The following DNAH6 variants were observed in gnomAD, a reference collection of about 807,000 sequenced individuals.
The protein encoded by DNAH6 is axonemal beta dynein heavy chain 6.
A neutral mutation model predicts 491.4 loss-of-function variants in DNAH6; 340 were observed. That is an observed-to-expected ratio of 0.69 (90% CI 0.63 to 0.76). DNAH6 has a LOEUF of 0.76. DNAH6 is among the 30% of genes least tolerant of loss of function. The pLI, the probability that DNAH6 is intolerant of heterozygous loss-of-function variation, is 0.00. For synonymous variants in DNAH6, 1,603 were observed against 1,686.1 expected, an observed-to-expected ratio of 0.95 and a Z score of 1.21; for missense variants, 4,443 against 4,972.2, an observed-to-expected ratio of 0.89 and a Z score of 3.20.
chr2:84,730,932 A>G (rs1015900026), intron 61 of DNAH6, among the ~76,000 whole-genome samples: 5 of 152,246 alleles, frequency 3.3e-5, no homozygotes, highest in African/African-American at 1.2e-4. Flanking sequence ...ATCTAGGATC[A>G]AGATGTAACA....
At chr2:84,461,792 T>C in the DNAH6 span, among the ~76,000 whole-genome samples, 1 of 152,212 alleles carries the variant, frequency 6.6e-6, no homozygotes, top group Non-Finnish European at 1.5e-5. Context: ...CTCAAAACTT[T>C]GTCTAAAGCT....
chr2:84,818,483 TCAAAAAAAAAA>T (rs1375652782), intron 76 of DNAH6, among the ~76,000 whole-genome samples: 2 of 35,556 alleles, frequency 5.6e-5, no homozygotes, highest in Non-Finnish European at 9.3e-5. Context: ...AGACCCTATC[TCAAAAAAAAAA>T]AAAAAAAAAA....
At chr2:84,774,497 T>C (rs1483141094) in intron 64 of DNAH6, among the ~76,000 whole-genome samples, 1 of 152,076 alleles carries the variant, frequency 6.6e-6, no homozygotes, top group African/African-American at 2.4e-5. Flanking sequence ...TTGGGTAATA[T>C]AATGCCCCAG....
intron 39 of DNAH6, among the ~76,000 whole-genome samples, chr2:84,670,764 T>C (rs1692661756): frequency 6.6e-6 from 1 of 152,218 alleles, no homozygotes; most frequent in Non-Finnish European, 1.5e-5. Context: ...GATTTCCCCT[T>C]ATTTAAAATA....
chr2:84,666,672 C>T (rs1692159122), intron 37 of DNAH6, among the ~76,000 whole-genome samples: 1 of 152,108 alleles, frequency 6.6e-6, no homozygotes, highest in Non-Finnish European at 1.5e-5. Flanking sequence ...GGCCATACTG[C>T]CCAAGGTAAT....
At chr2:84,549,865 G>T in intron 8 of DNAH6, 24 bp from the exon 9 acceptor site, 1 of 1,566,678 alleles carries the variant, frequency 6.4e-7, no homozygotes. Flanking sequence ...AACCGAAATT[G>T]TATTAGTTTT....
In DNAH6 at chr2:84,619,862, T is replaced by C; in HGVS notation, c.3750T>C (p.Tyr1250=). The change falls in exon 24 of 77, where the codon TAT becomes TAC. Residue 1250 remains tyrosine (Y), a synonymous_variant. Coordinates refer to ENST00000389394, the MANE Select transcript of DNAH6 (RefSeq NM_001370.2). ...TTGATGGAGAACCAGAAAAGGTTTATACTAATGATATTTTAGCAATGCTGT... is the reference window on the plus strand; with the variant it reads ...TTGATGGAGAACCAGAAAAGGTTTACACTAATGATATTTTAGCAATGCTGT... ...PGIDGEPEKV[Y]TNDILAMLSP... 1 of 1,551,342 alleles carries C rather than the reference T, an allele frequency of 6.4e-7. No homozygotes were observed. Among genetic ancestry groups the C allele is most frequent in the Non-Finnish European group, 8.7e-7 (1 of 1,146,748 alleles).
At chr2:84,801,593 A>G (rs1488294284) in intron 70 of DNAH6, among the ~76,000 whole-genome samples, 2 of 152,196 alleles carry the variant, frequency 1.3e-5, no homozygotes, top group African/African-American at 4.8e-5. Context: ...TAAAGAAAAG[A>G]AATTCCTGGG....
chr2:84,706,551 G>A (rs1012751377), intron 52 of DNAH6, among the ~76,000 whole-genome samples: 8 of 152,186 alleles, frequency 5.3e-5, no homozygotes, highest in Non-Finnish European at 1.0e-4. Context: ...TGGAGAACTA[G>A]TTAGGAAATA....
chr2:84,595,827 A>G, intron 18 of DNAH6, 38 bp downstream of exon 18: 1 of 1,511,446 alleles, frequency 6.6e-7, no homozygotes, highest in Non-Finnish European at 8.8e-7. Flanking sequence ...ACTGTAGGCC[A>G]GTTGGTTATT....
chr2:84,590,548 G>A (rs1333685097), intron 16 of DNAH6, among the ~76,000 whole-genome samples: 1 of 149,312 alleles, frequency 6.7e-6, no homozygotes, highest in Non-Finnish European at 1.5e-5. Context: ...CACTCCTTGA[G>A]CAAGAAAGAA....
intron 16 of DNAH6, among the ~76,000 whole-genome samples, chr2:84,589,252 T>A (rs1433699775): frequency 2.0e-5 from 3 of 152,252 alleles, no homozygotes; most frequent in Non-Finnish European, 4.4e-5. Context: ...TTTTTTAATG[T>A]GGTCAATTAA....
chr2:84,802,852 C>G (rs1012830740), intron 70 of DNAH6, among the ~76,000 whole-genome samples: 1 of 152,100 alleles, frequency 6.6e-6, no homozygotes, highest in African/African-American at 2.4e-5. Flanking sequence ...AAAATTATAC[C>G]AAGCATCTTC....
At chr2:84,745,053 A>G (rs1391808195) in intron 62 of DNAH6, 27 bp from the exon 63 acceptor site, 2 of 1,382,292 alleles carry the variant, frequency 1.4e-6, no homozygotes, top group East Asian at 2.5e-5. Flanking sequence ...ATCTAATTAA[A>G]TTATCTTTTT....
At chr2:84,578,365 T>C (rs1682683691) in intron 13 of DNAH6, among the ~76,000 whole-genome samples, 1 of 152,204 alleles carries the variant, frequency 6.6e-6, no homozygotes, top group African/African-American at 2.4e-5. Context: ...CAAGAAATAC[T>C]TGGATATGTA....
intron 22 of DNAH6, among the ~76,000 whole-genome samples, chr2:84,612,825 C>T (rs1686460179): frequency 6.6e-6 from 1 of 151,982 alleles, no homozygotes; most frequent in Non-Finnish European, 1.5e-5. Flanking sequence ...AGTTCCTTTC[C>T]ATGTATACTA....
chr2:84,736,731 A>G (rs935675203), intron 62 of DNAH6, among the ~76,000 whole-genome samples: 2 of 152,102 alleles, frequency 1.3e-5, no homozygotes, highest in Admixed American at 1.3e-4. Context: ...GGAGTCTTTT[A>G]GTCAAATCCT....
chr2:84,581,359 T>C (rs4832094), intron 14 of DNAH6, among the ~76,000 whole-genome samples: 138,453 of 152,268 alleles, frequency 0.91, 63,022 homozygotes, highest in East Asian at 0.99. Context: ...TTTTTTGGAA[T>C]GTCATTCATT....
rs1696609989 is a variant in DNAH6 at position 84,707,678 on chromosome 2, G to T, written c.9010G>T (p.Ala3004Ser). ...GNVFIAAACV[A>S]YYGAFTAQYR... is the part of the protein sequence containing the mutation. Reference sequence around the variant, plus strand: ...CGTGTTCATAGCAGCAGCTTGTGTGGCCTACTATGGGGCTTTCACAGCCCA... The same window carrying T: ...CGTGTTCATAGCAGCAGCTTGTGTGTCCTACTATGGGGCTTTCACAGCCCA... The change falls in exon 54 of 77, where the codon GCC (alanine) becomes TCC (serine). Residue 3004 changes from alanine to serine, a missense_variant. By Grantham distance (99) the Ala-to-Ser change is moderately conservative (BLOSUM62 1). Around this residue, in one of 3 missense-constraint regions of DNAH6, gnomAD observed 1,463 missense variants for 1,656.6 expected, o/e 0.88. Coordinates refer to ENST00000389394, the MANE Select transcript of DNAH6 (RefSeq NM_001370.2). 1 of 1,552,328 alleles carries T rather than the reference G, an allele frequency of 6.4e-7. No homozygotes were observed. Among genetic ancestry groups the T allele is most frequent in the Non-Finnish European group, 8.7e-7 (1 of 1,147,120 alleles).
Sources: gnomAD v4.1 joint callset for allele counts (sites outside exome capture counted in the v4.1 genomes callset) on GRCh38, gnomAD v4.1.1 for gene constraint, gnomAD v4.1.1 regional missense constraint, MANE v1.5 for transcripts, NCBI Gene and HGNC (gene_info 2026-07-23, HGNC 2026-07-21) for gene names.